ANKS1B: variants seen among roughly 807,000 people sequenced by gnomAD.
The protein encoded by ANKS1B is ankyrin repeat and sterile alpha motif domain containing 1B.
In ANKS1B, 36 loss-of-function variants were observed where a neutral mutation model predicts 148.3. That is an observed-to-expected ratio of 0.24 (90% CI 0.19 to 0.32). The LOEUF (loss-of-function observed/expected upper bound fraction) is 0.32, where lower values mean the gene tolerates loss of function less well. Ranked by LOEUF, ANKS1B falls within the 10% of genes least tolerant of loss-of-function variation. The probability of loss-of-function intolerance (pLI) is 1.00; values close to 1 mark genes in which losing one functional copy is unlikely to be tolerated. For missense variants in ANKS1B, 1,157 were observed against 1,542.6 expected (o/e 0.75, Z 4.19); for synonymous variants, 542 against 560.8 (o/e 0.97, Z 0.47).
intron 1 of ANKS1B, among the ~76,000 whole-genome samples, chr12:99,947,255 C>CAAAAAAAAAAAAAAAAAAAGAAAAAAAAA (rs58317609): frequency 7.7e-6 from 1 of 129,060 alleles, no homozygotes; most frequent in Non-Finnish European, 1.6e-5. Flanking sequence ...TAAAGTAATA[C>CAAAAAAAAAAAAAAAAAAAGAAAAAAAAA]AAAAAAAAAA....
chr12:99,350,914 T>C (rs2091340222), intron 12 of ANKS1B, among the ~76,000 whole-genome samples: 1 of 152,104 alleles, frequency 6.6e-6, no homozygotes, highest in Non-Finnish European at 1.5e-5. Context: ...TTAATAGCAA[T>C]CACTCCAAAC....
intron 17 of ANKS1B, among the ~76,000 whole-genome samples, chr12:98,855,248 T>A (rs2099558393): frequency 6.6e-6 from 1 of 152,210 alleles, no homozygotes; most frequent in East Asian, 1.9e-4. Flanking sequence ...TCAGTAAATA[T>A]CTTCGTTGAC....
intron 10 of ANKS1B, among the ~76,000 whole-genome samples, chr12:99,446,023 C>A (rs911829486): frequency 1.3e-5 from 2 of 151,618 alleles, no homozygotes; most frequent in Admixed American, 1.3e-4. Context: ...GCACCCAGCC[C>A]AAAAGTATAC....
chr12:99,930,889 C>T (rs931438608), intron 1 of ANKS1B, among the ~76,000 whole-genome samples: 4 of 152,058 alleles, frequency 2.6e-5, no homozygotes, highest in African/African-American at 7.2e-5. Context: ...AAGACACATG[C>T]GAAGGTATGT....
At chr12:99,800,274 A>C (rs2066776346) in intron 4 of ANKS1B, among the ~76,000 whole-genome samples, 1 of 152,072 alleles carries the variant, frequency 6.6e-6, no homozygotes, top group African/African-American at 2.4e-5. Context: ...ACAAGAAGGC[A>C]GCCATCTAAC....
intron 5 of ANKS1B, among the ~76,000 whole-genome samples, chr12:99,781,451 A>G (rs2064317898): frequency 6.6e-6 from 1 of 152,136 alleles, no homozygotes; most frequent in Non-Finnish European, 1.5e-5. Context: ...TTTCATCTCA[A>G]TCAGAATGCA....
Position 99,723,501 on chromosome 12 carries a change from G to A in ANKS1B, c.1128+49421C>T, listed in dbSNP as rs939854605. Among the ~76,000 whole-genome samples, 9 of 152,232 alleles carry A rather than the reference G, an allele frequency of 5.9e-5. 1 individual carries two copies. Among genetic ancestry groups the A allele is most frequent in the African/African-American group, 9.6e-5 (4 of 41,550 alleles). On this transcript the variant is annotated intron_variant, in intron 8 of 26. Coordinates refer to ENST00000683438, the MANE Select transcript of ANKS1B (RefSeq NM_001352186.2). ...GCACAAAGCTCTGATCTCCCTGGCCGGAGCCACTAGGGGTAGGGGTGACCA... is the reference window on the plus strand; with the variant it reads ...GCACAAAGCTCTGATCTCCCTGGCCAGAGCCACTAGGGGTAGGGGTGACCA...
chr12:99,752,348 C>G (rs1009081000), intron 8 of ANKS1B, among the ~76,000 whole-genome samples: 1 of 151,904 alleles, frequency 6.6e-6, no homozygotes, highest in African/African-American at 2.4e-5. Flanking sequence ...ACTTTACCAC[C>G]CTGTATTTCA....
At position 98,866,549 on chromosome 12, in the gene ANKS1B, A is replaced by G. The variant is rs527751396; in HGVS notation, c.2779-34413T>C. 1.1e-4 allele frequency among the ~76,000 whole-genome samples: 16 copies of G among 152,292 alleles called. No homozygotes were observed. In the South Asian group the frequency reaches 3.3e-3, roughly 32 times the overall value. The stretch of plus-strand genomic sequence containing the variant: ...CAGCCCACTGCTGCAATATCACAAT[A>G]TCACCTCGCCCATCCTTGACGCTTA... On this transcript the variant is annotated intron_variant, in intron 17 of 26. Coordinates refer to ENST00000683438, the MANE Select transcript of ANKS1B (RefSeq NM_001352186.2).
chr12:98,806,504 T>C (rs17028701), intron 20 of ANKS1B, among the ~76,000 whole-genome samples: 6,173 of 152,300 alleles, frequency 0.041, 188 homozygotes, highest in East Asian at 0.13. Context: ...TTACTTTCAA[T>C]AATTATGACA....
chr12:99,745,297 A>C (rs1432560245), intron 8 of ANKS1B, among the ~76,000 whole-genome samples: 1 of 152,234 alleles, frequency 6.6e-6, no homozygotes, highest in Admixed American at 6.5e-5. Flanking sequence ...TTGATGTTGC[A>C]ACATAACAAA....
intron 14 of ANKS1B, among the ~76,000 whole-genome samples, chr12:99,186,841 G>A (rs1017155547): frequency 2.0e-5 from 3 of 151,860 alleles, no homozygotes; most frequent in East Asian, 1.9e-4. Context: ...ATAACTCCTC[G>A]CCAGCAAGGG....
At chr12:99,675,244 G>A (rs1475267541) in intron 8 of ANKS1B, among the ~76,000 whole-genome samples, 1 of 151,846 alleles carries the variant, frequency 6.6e-6, no homozygotes, top group African/African-American at 2.4e-5. Flanking sequence ...GAGAATAAAT[G>A]TTATATGTAT....
chr12:98,853,484 T>C, intron 17 of ANKS1B, among the ~76,000 whole-genome samples: 1 of 152,176 alleles, frequency 6.6e-6, no homozygotes, highest in South Asian at 2.1e-4. Flanking sequence ...ATCCTCACTG[T>C]AGCCACAGTG....
intron 1 of ANKS1B, among the ~76,000 whole-genome samples, chr12:99,924,597 C>T (rs1042486231): frequency 6.6e-6 from 1 of 152,174 alleles, no homozygotes; most frequent in Non-Finnish European, 1.5e-5. Context: ...AGAGGTGGAA[C>T]CTTTTGGGAA....
chr12:99,816,916 ATAT>A (rs1383948765), intron 2 of ANKS1B, among the ~76,000 whole-genome samples: 1 of 151,684 alleles, frequency 6.6e-6, no homozygotes, highest in East Asian at 1.9e-4. Context: ...TAATAGTTGT[ATAT>A]ATTTTGGGGA....
chr12:99,086,918 T>C, intron 15 of ANKS1B, among the ~76,000 whole-genome samples: 1 of 152,150 alleles, frequency 6.6e-6, no homozygotes, highest in East Asian at 1.9e-4. Flanking sequence ...GGAGAATGAA[T>C]TTGAAAGGGT....
At chr12:99,158,039 G>A (rs2076258089) in intron 14 of ANKS1B, among the ~76,000 whole-genome samples, 2 of 152,052 alleles carry the variant, frequency 1.3e-5, no homozygotes, top group Admixed American at 1.3e-4. Flanking sequence ...GAAGTGAGCT[G>A]GGAGAGGATG....
chr12:99,971,097 A>G (rs1404595437), intron 1 of ANKS1B, among the ~76,000 whole-genome samples: 2 of 152,198 alleles, frequency 1.3e-5, no homozygotes, highest in Non-Finnish European at 2.9e-5. Context: ...GGTTAGTTGG[A>G]TAACACTTGG....
Sources: gnomAD v4.1 joint callset for allele counts (sites outside exome capture counted in the v4.1 genomes callset) on GRCh38, gnomAD v4.1.1 for gene constraint, MANE v1.5 for transcripts, NCBI Gene and HGNC (gene_info 2026-07-23, HGNC 2026-07-21) for gene names.